RERE: variants seen among roughly 807,000 people sequenced by gnomAD.
The protein encoded by RERE is arginine-glutamic acid dipeptide repeats protein.
Under a neutral mutation model 146.1 loss-of-function variants are expected in RERE, and 40 were observed. That is an observed-to-expected ratio of 0.27 (90% CI 0.21 to 0.36). RERE has a LOEUF of 0.36. RERE is among the 10% of genes least tolerant of loss of function. The pLI, the probability that RERE is intolerant of heterozygous loss-of-function variation, is 1.00. For missense variants in RERE, 1,933 were observed against 2,138.7 expected (o/e 0.90, Z 1.90); for synonymous variants, 1,003 against 866.0 (o/e 1.16, Z -2.78).
At chr1:8,541,503 C>A (rs61783644) in intron 6 of RERE, among the ~76,000 whole-genome samples, 185 bp from the exon 7 acceptor site, 13 of 152,256 alleles carry the variant, frequency 8.5e-5, no homozygotes, top group South Asian at 4.1e-4. Context: ...CCTGTGTAAT[C>A]TGACTGCTTT....
intron 1 of RERE, among the ~76,000 whole-genome samples, chr1:8,692,802 A>G (rs942124455): frequency 2.0e-5 from 3 of 152,186 alleles, no homozygotes; most frequent in African/African-American, 4.8e-5. Context: ...GGCTTAGTGT[A>G]GCATATTTTA....
chr1:8,507,506 CA>C (rs1645268767), intron 8 of RERE, among the ~76,000 whole-genome samples: 1 of 152,070 alleles, frequency 6.6e-6, no homozygotes, highest in South Asian at 2.1e-4. Flanking sequence ...CCCCTGGGTT[CA>C]AGTGATTTCT....
intron 1 of RERE, among the ~76,000 whole-genome samples, chr1:8,721,148 G>A (rs1046324246): frequency 6.6e-6 from 1 of 152,094 alleles, no homozygotes; most frequent in South Asian, 2.1e-4. Context: ...GGTAAAACTT[G>A]GACAGTTAAC....
chr1:8,491,141 A>C (rs909049503), intron 10 of RERE, among the ~76,000 whole-genome samples: 1 of 150,706 alleles, frequency 6.6e-6, no homozygotes, highest in Non-Finnish European at 1.5e-5. Flanking sequence ...CATCTCTGCA[A>C]GTAAAAATAA....
chr1:8,688,323 T>G (rs1639135080), intron 1 of RERE, among the ~76,000 whole-genome samples: 2 of 151,960 alleles, frequency 1.3e-5, no homozygotes, highest in Non-Finnish European at 2.9e-5. Flanking sequence ...CCCAACACTT[T>G]GGGAGGCAAA....
chr1:8,416,535 G>A (rs563282702), intron 12 of RERE, among the ~76,000 whole-genome samples: 27 of 142,552 alleles, frequency 1.9e-4, no homozygotes, highest in Non-Finnish European at 3.3e-4. Context: ...GCAGTGAGCC[G>A]AGACTGCATA....
At chr1:8,605,845 C>CTTTTTTTTT (rs60346942) in intron 4 of RERE, among the ~76,000 whole-genome samples, 6,768 of 93,128 alleles carry the variant, frequency 0.073, 1,462 homozygotes, top group Middle Eastern at 0.2. Context: ...AAATACCAAA[C>CTTTTTTTTT]TTTTTTTTTT....
intron 2 of RERE, among the ~76,000 whole-genome samples, chr1:8,647,030 G>A (rs1647344561): frequency 6.6e-6 from 1 of 152,160 alleles, no homozygotes; most frequent in African/African-American, 2.4e-5. Flanking sequence ...AGGCTGCAGT[G>A]AGCAATGATC....
intron 12 of RERE, among the ~76,000 whole-genome samples, chr1:8,385,193 C>T (rs987814392): frequency 1.3e-5 from 2 of 152,238 alleles, no homozygotes; most frequent in African/African-American, 2.4e-5. Flanking sequence ...AACATGTTCA[C>T]TGTCTAAAAT....
chr1:8,789,785 G>A (rs1265373474), intron 1 of RERE, among the ~76,000 whole-genome samples: 4 of 152,042 alleles, frequency 2.6e-5, no homozygotes, highest in Non-Finnish European at 5.9e-5. Flanking sequence ...GCCGACCCCT[G>A]CCTGGACTGT....
chr1:8,683,942 C>G (rs1025792785), intron 1 of RERE, among the ~76,000 whole-genome samples: 1 of 152,146 alleles, frequency 6.6e-6, no homozygotes, highest in Non-Finnish European at 1.5e-5. Context: ...AACTCCATCT[C>G]AAATCAATCA....
intron 4 of RERE, among the ~76,000 whole-genome samples, chr1:8,604,618 G>GAGGAAGGA (rs1237300749): frequency 1.5e-5 from 1 of 66,066 alleles, no homozygotes; most frequent in Non-Finnish European, 2.9e-5. Flanking sequence ...GGGAGGGAGG[G>GAGGAAGGA]AGGGAGGAAG....
chr1:8,746,661 T>A (rs1569698872), intron 1 of RERE, among the ~76,000 whole-genome samples: 1 of 151,970 alleles, frequency 6.6e-6, no homozygotes, highest in Non-Finnish European at 1.5e-5. Flanking sequence ...TATACTGACA[T>A]ACGAGTCATG....
intron 1 of RERE, among the ~76,000 whole-genome samples, chr1:8,785,471 G>A (rs987851080): frequency 6.6e-6 from 1 of 152,160 alleles, no homozygotes; most frequent in Non-Finnish European, 1.5e-5. Context: ...CATCTTTCTT[G>A]TTCCATCAGC....
intron 1 of RERE, among the ~76,000 whole-genome samples, chr1:8,808,430 G>T (rs2124602768): frequency 6.6e-6 from 1 of 152,232 alleles, no homozygotes; most frequent in East Asian, 1.9e-4. Context: ...TAGATCTCTA[G>T]ATGACAATAA....
At chr1:8,735,026 T>C (rs565458836) in intron 1 of RERE, among the ~76,000 whole-genome samples, 127 of 152,354 alleles carry the variant, frequency 8.3e-4, no homozygotes, top group Non-Finnish European at 1.5e-3. Flanking sequence ...TTGATACTTA[T>C]TGTGTCAAGT....
chr1:8,624,606 CTAAAT>C (rs1646952713), intron 2 of RERE, among the ~76,000 whole-genome samples: 1 of 151,904 alleles, frequency 6.6e-6, no homozygotes, highest in Non-Finnish European at 1.5e-5. Flanking sequence ...CTGATGAAGC[CTAAAT>C]TATTTTCTTC....
At chr1:8,387,389 G>A (rs1642713717) in intron 12 of RERE, among the ~76,000 whole-genome samples, 1 of 152,184 alleles carries the variant, frequency 6.6e-6, no homozygotes, top group African/African-American at 2.4e-5. Flanking sequence ...AAGTATAGGA[G>A]ACTGCCTAAA....
chr1:8,715,732 T>C (rs1639751983), intron 1 of RERE, among the ~76,000 whole-genome samples: 1 of 151,948 alleles, frequency 6.6e-6, no homozygotes, highest in Non-Finnish European at 1.5e-5. Context: ...GACAAAACCT[T>C]GTCTCTACAA....
Sources: allele counts gnomAD v4.1 joint callset (sites outside exome capture counted in the v4.1 genomes callset), GRCh38; gene constraint gnomAD v4.1.1; transcripts MANE v1.5; gene names NCBI Gene and HGNC (gene_info 2026-07-23, HGNC 2026-07-21).